Variants in LRRC59 observed in about 807,000 individuals in gnomAD.
LRRC59 encodes leucine rich repeat containing 59.
LRRC59 carries 18 observed loss-of-function variants against 33.5 expected under a neutral mutation model. The observed-to-expected ratio is 0.54, with a 90% CI of 0.37 to 0.80. The LOEUF (loss-of-function observed/expected upper bound fraction) is 0.80. Ranked by LOEUF, LRRC59 falls within the 30% of genes least tolerant of loss-of-function variation. The pLI is 0.00. For synonymous variants in LRRC59, 138 were observed against 160.0 expected (o/e 0.86, Z 1.04); for missense variants, 330 against 391.9 (o/e 0.84, Z 1.33).
In LRRC59 at chr17:50,382,825, A is replaced by G; in HGVS notation, c.*163T>C. 2 of 922,700 alleles carry G rather than the reference A, an allele frequency of 2.2e-6. No homozygotes were observed. Among genetic ancestry groups the G allele is most frequent in the Non-Finnish European group, 3.2e-6 (2 of 634,280 alleles). The allele number at this position is 922,700 out of a possible 1,614,324, so 57.2% of individuals were successfully genotyped here. Reference sequence around the variant, plus strand: ...TCATTCCTTCAGGGAACCCTGACTAAGGAATGAAGAAGTCCTACAAAGAGG... The same window carrying G: ...TCATTCCTTCAGGGAACCCTGACTAGGGAATGAAGAAGTCCTACAAAGAGG... On this transcript the variant is annotated 3_prime_UTR_variant, in exon 7 of 7. Coordinates refer to ENST00000225972, the MANE Select transcript of LRRC59 (RefSeq NM_018509.4).
intron 4 of LRRC59, among the ~76,000 whole-genome samples, chr17:50,390,491 CAA>C (rs796517826): frequency 7.4e-6 from 1 of 135,932 alleles, no homozygotes; most frequent in African/African-American, 2.7e-5. Context: ...GACCCCATGT[CAA>C]AAAAAAAAAA....
chr17:50,394,881 G>T, intron 2 of LRRC59, 48 bp downstream of exon 2: 1 of 1,325,822 alleles, frequency 7.5e-7, no homozygotes, highest in Non-Finnish European at 1.1e-6. Context: ...ACAGGAAGGA[G>T]ATGCATCCAA....
intron 4 of LRRC59, among the ~76,000 whole-genome samples, chr17:50,389,593 AAAG>A (rs1185552013): frequency 1.3e-5 from 2 of 152,364 alleles, no homozygotes; most frequent in East Asian, 3.9e-4. Flanking sequence ...GAGTAAGAAA[AAAG>A]AAGAAAACCC....
chr17:50,391,284 C>G (rs1251867475), intron 4 of LRRC59, among the ~76,000 whole-genome samples: 1 of 152,132 alleles, frequency 6.6e-6, no homozygotes, highest in African/African-American at 2.4e-5. Context: ...TAACTTTGTG[C>G]TTGATTTGTT....
At chr17:50,388,479 TGCA>T (rs1914063998) in intron 4 of LRRC59, among the ~76,000 whole-genome samples, 1 of 152,154 alleles carries the variant, frequency 6.6e-6, no homozygotes, top group Admixed American at 6.5e-5. Flanking sequence ...AGGTCAAGGC[TGCA>T]GTGAGCTGTG....
intron 1 of LRRC59, 74 bp downstream of exon 1, chr17:50,397,139 G>T: frequency 1.8e-6 from 2 of 1,120,032 alleles, no homozygotes; most frequent in Non-Finnish European, 2.5e-6. Flanking sequence ...TTAGAGAAGA[G>T]GAAAGTAAGT....
At position 50,390,192 on chromosome 17, in the gene LRRC59, C is replaced by T. The variant is rs371009052; in HGVS notation, c.430-2060G>A. Among the ~76,000 whole-genome samples the T allele has an allele frequency of 1.7e-4, 26 of 151,812 alleles. No homozygotes were observed. In the East Asian group the frequency reaches 2.5e-3, roughly 15 times the overall value. Reference sequence around the variant, plus strand: ...CAGGCAGTAGAGAAGTTATGGGTCCCGTTGCCATGATTGCAGGGAGAGTGT... The same window carrying T: ...CAGGCAGTAGAGAAGTTATGGGTCCTGTTGCCATGATTGCAGGGAGAGTGT... On this transcript the variant is annotated intron_variant, in intron 4 of 6. Transcript: ENST00000225972.
chr17:50,388,600 C>G (rs1313082715), intron 4 of LRRC59, among the ~76,000 whole-genome samples: 1 of 152,148 alleles, frequency 6.6e-6, no homozygotes, highest in Non-Finnish European at 1.5e-5. Context: ...ATCTTTGTAT[C>G]CTAAAATTAC....
At chr17:50,395,078 T>TC in intron 1 of LRRC59, 90 bp from the exon 2 acceptor site, 2 of 893,736 alleles carry the variant, frequency 2.2e-6, no homozygotes, top group Middle Eastern at 4.4e-4. Context: ...CAGAGAATGT[T>TC]CCCATGATTA....
chr17:50,387,942 C>A, intron 5 of LRRC59, 118 bp downstream of exon 5: 1 of 947,416 alleles, frequency 1.1e-6, no homozygotes, highest in Non-Finnish European at 1.7e-6. Context: ...TACTGTCCCC[C>A]CACCGCCCAC....
In LRRC59 at chr17:50,383,215, G is replaced by A. The variant is rs543176399; in HGVS notation, c.697C>T (p.Pro233Ser). ...QAPKSKSGSR[P>S]RKPPPRKHTR... ...TGCTTCCGGGGTGGTGGCTTGCGGGGACGGGAGCCAGACTTAGATTCTGGA... is the reference window on the plus strand; with the variant it reads ...TGCTTCCGGGGTGGTGGCTTGCGGGAACGGGAGCCAGACTTAGATTCTGGA... Residue 233 changes from proline to serine, a missense_variant, in exon 7 of 7, where the codon CCC becomes TCC. Transcript: ENST00000225972. The A allele has an allele frequency of 2.3e-5, 36 of 1,553,106 alleles. No individual in the cohort carries two copies. In the East Asian group the frequency reaches 7.5e-4, roughly 33 times the overall value.
At position 50,397,339 on chromosome 17, in the gene LRRC59, C is replaced by T. The variant is rs1914303640; in HGVS notation, c.-22G>A. 7.6e-6 allele frequency: 12 copies of T among 1,588,942 alleles called. No homozygotes were observed. Among genetic ancestry groups the T allele is most frequent in the Non-Finnish European group, 9.4e-6 (11 of 1,165,306 alleles). On this transcript the variant is annotated 5_prime_UTR_variant, in exon 1 of 7. Transcript: ENST00000225972. Reference sequence around the variant, plus strand: ...TCATGGTAACGCCGGCTGAGCGGGCCCCGGCTCCGGGGTTCCGGCGGGTGA... The same window carrying T: ...TCATGGTAACGCCGGCTGAGCGGGCTCCGGCTCCGGGGTTCCGGCGGGTGA...
rs1384536400 is a variant in LRRC59, at chr17:50,381,335, C to G, written c.*1653G>C. 4.7e-6 allele frequency: 1 copy of G among 211,520 alleles called. No homozygotes were observed. Among genetic ancestry groups the G allele is most frequent in the African/African-American group, 2.3e-5 (1 of 43,728 alleles). The allele number at this position is 211,520 out of a possible 1,614,324, so 13.1% of individuals were successfully genotyped here. On this transcript the variant is annotated 3_prime_UTR_variant, in exon 7 of 7. Coordinates refer to ENST00000225972, the MANE Select transcript of LRRC59 (RefSeq NM_018509.4). ...AGCTGCGGGTTGGCTTGACTGGGCT[C>G]AGCCACTGAGCTGCCTCAACCGGCC...
In LRRC59 at chr17:50,384,400, T is replaced by C. The variant is rs148966841; in HGVS notation, c.676+718A>G. Among the ~76,000 whole-genome samples, 1,380 of 152,182 alleles carry C rather than the reference T, an allele frequency of 9.1e-3. 18 individuals are homozygous for C. Among genetic ancestry groups the C allele is most frequent in the African/African-American group, 0.032 (1,322 of 41,518 alleles). The stretch of plus-strand genomic sequence containing the variant: ...CTCAAACTCCTGGGCTCAAGTGATC[T>C]CTTCTCACCTTAGCCTCCCAAAGCA... On this transcript the variant is annotated intron_variant, in intron 6 of 6. Transcript: ENST00000225972.
chr17:50,383,329 A>G, intron 6 of LRRC59, 94 bp from the exon 7 acceptor site: 1 of 1,423,892 alleles, frequency 7.0e-7, no homozygotes, highest in Non-Finnish European at 9.3e-7. Flanking sequence ...AGATCTACCT[A>G]CATTCCTTCC....
intron 1 of LRRC59, chr17:50,396,818 G>T (rs1052205960): frequency 7.4e-6 from 2 of 269,624 alleles, no homozygotes; most frequent in Non-Finnish European, 1.4e-5. Context: ...GCCACACCCA[G>T]GTCTACCAGG....
rs1463772700 is a variant in LRRC59 at position 50,382,361 on chromosome 17, T to C, written c.*627A>G. On this transcript the variant is annotated 3_prime_UTR_variant, in exon 7 of 7. Transcript: ENST00000225972. ...GTGGGAATCCAGTTTTGCCTCAAAC[T>C]AGCTGGGAGACTAGGCAAGTCATGG... 6.6e-6 allele frequency: 1 copy of C among 152,548 alleles called. No homozygotes were observed. Among genetic ancestry groups the C allele is most frequent in the Non-Finnish European group, 1.5e-5 (1 of 68,282 alleles). 9.4% of individuals were successfully genotyped at this position (152,548 alleles called of 1,614,324 possible). A position where few individuals can be genotyped will look rare whatever the true frequency, so the allele number is the denominator to read the frequency against.
rs774968866 is a variant in LRRC59, at chr17:50,397,231, C to T, written c.87G>A (p.Glu29=). Residue 29 remains glutamate (E), a synonymous_variant, in exon 1 of 7, where the codon GAG becomes GAA. Transcript: ENST00000225972. ...ELDLSLSDLN[E]VPVKELAALP... ...TACTGACCAGCTCCTTCACCGGGAC[C>T]TCATTCAGGTCGCTGAGGCTCAGGT... The T allele has an allele frequency of 4.7e-5, 75 of 1,602,850 alleles. No individual in the cohort carries two copies. In the Admixed American group the frequency reaches 6.3e-4, roughly 13 times the overall value.
intron 6 of LRRC59, 23 bp from the exon 7 acceptor site, chr17:50,383,258 C>T: frequency 6.5e-7 from 1 of 1,548,194 alleles, no homozygotes; most frequent in Non-Finnish European, 8.7e-7. Context: ...TAACAGTAGA[C>T]AAAGCAAGTT....
Sources: allele counts gnomAD v4.1 joint callset (sites outside exome capture counted in the v4.1 genomes callset), GRCh38; gene constraint gnomAD v4.1.1; transcripts MANE v1.5; gene names NCBI Gene and HGNC (gene_info 2026-07-23, HGNC 2026-07-21).